CCDC148: variants seen among roughly 807,000 people sequenced by gnomAD.
The protein encoded by CCDC148 is coiled-coil domain containing 148, also known as coiled-coil domain-containing protein 148.
In CCDC148, 89 loss-of-function variants were observed where a neutral mutation model predicts 85.7. That is an observed-to-expected ratio of 1.04 (90% CI 0.87 to 1.24). CCDC148 has a LOEUF of 1.24. Among genes scored for constraint, CCDC148 ranks in the 50% most tolerant of loss-of-function variants. CCDC148 has a pLI of 0.00. For synonymous variants in CCDC148, 230 were observed against 213.9 expected (o/e 1.08, Z -0.66); for missense variants, 692 against 671.7 (o/e 1.03, Z -0.33).
intron 1 of CCDC148, among the ~76,000 whole-genome samples, chr2:158,401,797 AG>A (rs1047776452): frequency 6.6e-6 from 1 of 152,040 alleles, no homozygotes; most frequent in Non-Finnish European, 1.5e-5. Flanking sequence ...TTTGGGAATA[AG>A]GGAGAGGGCA....
At chr2:158,203,750 C>T (rs1686088353) in intron 11 of CCDC148, among the ~76,000 whole-genome samples, 1 of 151,952 alleles carries the variant, frequency 6.6e-6, no homozygotes, top group African/African-American at 2.4e-5. Flanking sequence ...AAATATACTG[C>T]CCTCAAAGAT....
chr2:158,422,762 G>A (rs371069174), intron 1 of CCDC148, among the ~76,000 whole-genome samples: 1 of 151,996 alleles, frequency 6.6e-6, no homozygotes, highest in African/African-American at 2.4e-5. Context: ...AGAAATAAAG[G>A]GTATTCAGTT....
At position 158,212,481 on chromosome 2, in the gene CCDC148, C is replaced by A. The variant is rs1242597543; in HGVS notation, c.1370+8114G>T. Among the ~76,000 whole-genome samples, 8 of 152,062 alleles carry A rather than the reference C, an allele frequency of 5.3e-5. 1 individual carries two copies. The highest frequency in any genetic ancestry group is 5.2e-4 in the Admixed American group (8 of 15,262). On this transcript the variant is annotated intron_variant, in intron 11 of 13. Coordinates refer to ENST00000283233, the MANE Select transcript of CCDC148 (RefSeq NM_138803.4). ...ATCTGGCTTTGTTACTTAGAAAATG[C>A]AATAACTGTCAATTCTCTGATGTTG...
At chr2:158,271,701 G>T (rs1016936788) in intron 9 of CCDC148, among the ~76,000 whole-genome samples, 2 of 152,102 alleles carry the variant, frequency 1.3e-5, no homozygotes, top group Admixed American at 1.3e-4. Context: ...CTTTATCATA[G>T]GAAAATAATA....
chr2:158,214,057 G>A (rs1234856831), intron 11 of CCDC148, among the ~76,000 whole-genome samples: 1 of 149,694 alleles, frequency 6.7e-6, no homozygotes, highest in African/African-American at 2.5e-5. Context: ...TTTTGGGATG[G>A]CTAGAAAGGA....
intron 1 of CCDC148, among the ~76,000 whole-genome samples, chr2:158,359,794 C>G (rs1346973346): frequency 6.6e-6 from 1 of 152,130 alleles, no homozygotes; most frequent in Non-Finnish European, 1.5e-5. Flanking sequence ...TTTTCATACC[C>G]TAGTGGCACC....
At chr2:158,428,284 G>C (rs1038480255) in intron 1 of CCDC148, among the ~76,000 whole-genome samples, 4 of 152,112 alleles carry the variant, frequency 2.6e-5, no homozygotes, top group African/African-American at 7.2e-5. Flanking sequence ...TACAGAACTT[G>C]CTGATGGAGA....
chr2:158,421,854 AG>A (rs1207247609), intron 1 of CCDC148, among the ~76,000 whole-genome samples: 2 of 152,298 alleles, frequency 1.3e-5, no homozygotes, highest in South Asian at 2.1e-4. Context: ...AGACTAATAA[AG>A]AAGAAAAGAG....
At chr2:158,338,288 A>C (rs1682490315) in intron 7 of CCDC148, among the ~76,000 whole-genome samples, 1 of 152,188 alleles carries the variant, frequency 6.6e-6, no homozygotes, top group Non-Finnish European at 1.5e-5. Context: ...AACATATAGA[A>C]GAAATTTTTT....
Position 158,199,729 on chromosome 2 carries a change from G to A in CCDC148, c.1371-20733C>T, listed in dbSNP as rs868699029. On this transcript the variant is annotated intron_variant, in intron 11 of 13. Transcript: ENST00000283233. ...AGGTGAATAATGAAGGTCACTTTAT[G>A]ACAGTTATTAGTAAAAATATAGTTA... Among the ~76,000 whole-genome samples, 58 of 152,226 alleles carry A rather than the reference G, an allele frequency of 3.8e-4. No homozygotes were observed. In the Middle Eastern group the frequency reaches 0.01, roughly 27 times the overall value.
At chr2:158,193,880 C>G (rs1484967193) in intron 11 of CCDC148, among the ~76,000 whole-genome samples, 4 of 115,584 alleles carry the variant, frequency 3.5e-5, no homozygotes, top group Non-Finnish European at 1.7e-5. Flanking sequence ...ACAACAGGCC[C>G]CAGTGTGTGA....
chr2:158,247,134 A>G (rs564618990), intron 10 of CCDC148, among the ~76,000 whole-genome samples: 1 of 152,324 alleles, frequency 6.6e-6, no homozygotes, highest in East Asian at 1.9e-4. Context: ...AAGAAATAGT[A>G]TCTAGAATTT....
intron 1 of CCDC148, among the ~76,000 whole-genome samples, chr2:158,447,795 T>C (rs1688222412): frequency 6.6e-6 from 1 of 152,214 alleles, no homozygotes; most frequent in African/African-American, 2.4e-5. Flanking sequence ...ATACAAGTAC[T>C]TTATCAGATA....
At chr2:158,332,198 C>G (rs1046113611) in intron 7 of CCDC148, among the ~76,000 whole-genome samples, 1 of 151,918 alleles carries the variant, frequency 6.6e-6, no homozygotes, top group Non-Finnish European at 1.5e-5. Context: ...TTAGGGCAGG[C>G]GTGGTGGTGA....
chr2:158,190,706 G>A (rs1321681160), intron 11 of CCDC148, among the ~76,000 whole-genome samples: 2 of 152,014 alleles, frequency 1.3e-5, no homozygotes, highest in African/African-American at 2.4e-5. Flanking sequence ...GTGTAAGAAG[G>A]GAACTTTTGT....
At chr2:158,385,739 T>A (rs1272659400) in intron 1 of CCDC148, among the ~76,000 whole-genome samples, 1 of 152,134 alleles carries the variant, frequency 6.6e-6, no homozygotes, top group Non-Finnish European at 1.5e-5. Context: ...CTGCTGTAGG[T>A]CAAACAAGGC....
chr2:158,270,178 A>T (rs1251095436), intron 9 of CCDC148, among the ~76,000 whole-genome samples: 2 of 152,212 alleles, frequency 1.3e-5, no homozygotes, highest in Non-Finnish European at 2.9e-5. Flanking sequence ...TAGTAATGTC[A>T]AACTTGCTAA....
intron 1 of CCDC148, among the ~76,000 whole-genome samples, chr2:158,358,966 A>C (rs1305386266): frequency 3.9e-5 from 6 of 152,180 alleles, no homozygotes; most frequent in African/African-American, 1.4e-4. Context: ...AAATTATATA[A>C]ACAGATTTTT....
chr2:158,438,736 G>T (rs1242079552), intron 1 of CCDC148, among the ~76,000 whole-genome samples: 1 of 152,004 alleles, frequency 6.6e-6, no homozygotes, highest in Non-Finnish European at 1.5e-5. Flanking sequence ...TCTGACGAAG[G>T]GCTAATATCC....
Sources: gnomAD v4.1 joint callset for allele counts (sites outside exome capture counted in the v4.1 genomes callset) on GRCh38, gnomAD v4.1.1 for gene constraint, MANE v1.5 for transcripts, NCBI Gene and HGNC (gene_info 2026-07-23, HGNC 2026-07-21) for gene names.